Variants in ZNF385D observed in about 807,000 individuals in gnomAD.
The protein encoded by ZNF385D is zinc finger protein 385D, also known as zinc finger protein 659.
ZNF385D carries 15 observed loss-of-function variants against 35.8 expected under a neutral mutation model. The observed-to-expected ratio is 0.42, with a 90% confidence interval of 0.28 to 0.64. The LOEUF (loss-of-function observed/expected upper bound fraction) is 0.64. ZNF385D is among the 30% of genes least tolerant of loss of function. The pLI, the probability that ZNF385D is intolerant of heterozygous loss-of-function variation, is 0.23. For synonymous variants in ZNF385D, 212 were observed against 186.8 expected (o/e 1.13, Z -1.10); for missense variants, 474 against 494.6 (o/e 0.96, Z 0.39).
chr3:22,314,405 GAAT>G (rs1186900700), intron 2 of ZNF385D, among the ~76,000 whole-genome samples: 4 of 152,088 alleles, frequency 2.6e-5, no homozygotes, highest in African/African-American at 9.7e-5. Context: ...ACTTCATTTA[GAAT>G]AATAGTCTCC....
At chr3:22,342,886 T>TA (rs2125481898) in intron 2 of ZNF385D, among the ~76,000 whole-genome samples, 1 of 152,340 alleles carries the variant, frequency 6.6e-6, no homozygotes, top group South Asian at 2.1e-4. Flanking sequence ...CAGTTGAAGA[T>TA]ACCTAATAAT....
intron 2 of ZNF385D, among the ~76,000 whole-genome samples, chr3:22,255,182 GA>G (rs1005713107): frequency 2.1e-5 from 3 of 144,910 alleles, no homozygotes; most frequent in East Asian, 4.0e-4. Context: ...ATGCTCATAA[GA>G]AAAAAAAAGA....
At chr3:22,177,533 C>G (rs1332428899) in intron 2 of ZNF385D, among the ~76,000 whole-genome samples, 2 of 152,130 alleles carry the variant, frequency 1.3e-5, no homozygotes, top group African/African-American at 4.8e-5. Context: ...TACCCTAGTT[C>G]TCTGTGAAGT....
At chr3:22,049,112 C>T (rs1218155972) in intron 3 of ZNF385D, among the ~76,000 whole-genome samples, 1 of 151,852 alleles carries the variant, frequency 6.6e-6, no homozygotes, top group Non-Finnish European at 1.5e-5. Context: ...CCCTGACCAA[C>T]ATGGTGAAAC....
chr3:21,928,499 T>G (rs1700855782), intron 3 of ZNF385D, among the ~76,000 whole-genome samples: 1 of 152,030 alleles, frequency 6.6e-6, no homozygotes, highest in Non-Finnish European at 1.5e-5. Context: ...TCTATAGAAC[T>G]CTCCACTGAG....
intron 3 of ZNF385D, among the ~76,000 whole-genome samples, chr3:21,922,685 C>T (rs539556729): frequency 1.6e-4 from 25 of 152,040 alleles, no homozygotes; most frequent in African/African-American, 5.3e-4. Context: ...CATAAGAATC[C>T]GAGAAGAAAA....
At chr3:22,169,876 C>T (rs1027749659) in intron 2 of ZNF385D, among the ~76,000 whole-genome samples, 1 of 152,148 alleles carries the variant, frequency 6.6e-6, no homozygotes, top group Non-Finnish European at 1.5e-5. Flanking sequence ...CTCAGCACAG[C>T]CTTGACCTCC....
intron 2 of ZNF385D, among the ~76,000 whole-genome samples, chr3:21,601,360 C>G (rs926268091): frequency 1.3e-5 from 2 of 152,158 alleles, no homozygotes; most frequent in Admixed American, 6.5e-5. Flanking sequence ...GCTAATGAGG[C>G]CATTTGTGCA....
chr3:22,025,717 A>G (rs1322837820), intron 3 of ZNF385D, among the ~76,000 whole-genome samples: 1 of 152,186 alleles, frequency 6.6e-6, no homozygotes, highest in Non-Finnish European at 1.5e-5. Flanking sequence ...GAAGGGATCC[A>G]AAGGCTTAGG....
chr3:21,629,259 T>A (rs953029255), intron 2 of ZNF385D, among the ~76,000 whole-genome samples: 1 of 152,064 alleles, frequency 6.6e-6, no homozygotes, highest in Admixed American at 6.6e-5. Flanking sequence ...TGTGCGGTAT[T>A]CTGTATGAGG....
chr3:21,820,683 A>T (rs1385929036), intron 3 of ZNF385D, among the ~76,000 whole-genome samples: 2 of 151,738 alleles, frequency 1.3e-5, no homozygotes, highest in Admixed American at 1.3e-4. Context: ...AAATTTCTCG[A>T]AAGAAAAATA....
At chr3:22,232,532 C>G in intron 2 of ZNF385D, among the ~76,000 whole-genome samples, 1 of 152,124 alleles carries the variant, frequency 6.6e-6, no homozygotes, top group Non-Finnish European at 1.5e-5. Flanking sequence ...AATGCTATCC[C>G]TCCTCTAGCT....
At chr3:21,977,026 A>G (rs1480347045) in intron 3 of ZNF385D, among the ~76,000 whole-genome samples, 1 of 152,150 alleles carries the variant, frequency 6.6e-6, no homozygotes, top group Non-Finnish European at 1.5e-5. Context: ...ACTGCTACAT[A>G]TAACAACATT....
chr3:21,492,377 GT>G lies in ZNF385D; in HGVS notation c.439+18483del, dbSNP rs1375048020. On this transcript the variant is annotated intron_variant, in intron 4 of 7. Transcript: ENST00000281523. ...GGGTTTGCTTTACGGATTCTAAATG[GT>G]TTTTTATAAACAAACAAAAACAAAC... 6.2e-5 allele frequency among the ~76,000 whole-genome samples: 9 copies of G among 145,524 alleles called. No individual in the cohort carries two copies. In the East Asian group the frequency reaches 1.9e-3, roughly 31 times the overall value.
Position 21,997,856 on chromosome 3 carries a change from GGCGC to G in ZNF385D, c.325+170957_325+170960del, listed in dbSNP as rs59960063. 8.9e-3 allele frequency among the ~76,000 whole-genome samples: 1,270 copies of G among 143,004 alleles called. 10 individuals are homozygous for G. Among genetic ancestry groups the G allele is most frequent in the South Asian group, 0.037 (160 of 4,296 alleles). The allele number at this position is 143,004 out of a possible 152,430, so 93.8% of individuals were successfully genotyped here. A position where few individuals can be genotyped will look rare whatever the true frequency, so the allele number is the denominator to read the frequency against. On this transcript the variant is annotated intron_variant, in intron 3 of 5. Transcript: ENST00000494108. ...GGGTTTTTTGTTGATGTTGCTATTTGGCGCGCGCGCGCGCGCGTGTGTGTGTGTG... is the reference window on the plus strand; with the variant it reads ...GGGTTTTTTGTTGATGTTGCTATTTGGCGCGCGCGCGCGTGTGTGTGTGTG...
intron 3 of ZNF385D, among the ~76,000 whole-genome samples, chr3:21,986,482 G>A (rs892688441): frequency 5.7e-5 from 7 of 123,368 alleles, no homozygotes; most frequent in African/African-American, 3.2e-4. Flanking sequence ...GCAGCTTTGA[G>A]TGAGATTCTT....
At chr3:22,225,935 C>T (rs1221736947) in intron 2 of ZNF385D, among the ~76,000 whole-genome samples, 2 of 152,164 alleles carry the variant, frequency 1.3e-5, no homozygotes, top group Admixed American at 6.5e-5. Context: ...ACATATGTCT[C>T]TTTACAAAGA....
intron 3 of ZNF385D, among the ~76,000 whole-genome samples, chr3:21,547,858 C>A (rs983207308): frequency 1.3e-5 from 2 of 152,040 alleles, no homozygotes; most frequent in East Asian, 1.9e-4. Flanking sequence ...TGGTCCACCC[C>A]CCTTGGCCTC....
chr3:22,346,635 A>T (rs1337210022), intron 2 of ZNF385D, among the ~76,000 whole-genome samples: 1 of 152,146 alleles, frequency 6.6e-6, no homozygotes, highest in Non-Finnish European at 1.5e-5. Context: ...TGGACACCTG[A>T]CTCTTAACTA....
Sources: allele counts gnomAD v4.1 joint callset (sites outside exome capture counted in the v4.1 genomes callset), GRCh38; gene constraint gnomAD v4.1.1; transcripts MANE v1.5; gene names NCBI Gene and HGNC (gene_info 2026-07-23, HGNC 2026-07-21).